SSBP2: variants seen among roughly 807,000 people sequenced by gnomAD.
The protein encoded by SSBP2 is single-stranded DNA-binding protein 2.
SSBP2 carries 17 observed loss-of-function variants against 61.8 expected under a neutral mutation model. The observed-to-expected ratio is 0.28, with a 90% CI of 0.19 to 0.41. SSBP2 has a LOEUF of 0.41. Ranked by LOEUF, SSBP2 falls within the 10% of genes least tolerant of loss-of-function variation. SSBP2 has a pLI of 1.00. For missense variants in SSBP2, 310 were observed against 458.7 expected (o/e 0.68, Z 2.96); for synonymous variants, 139 against 141.3 (o/e 0.98, Z 0.12).
At chr5:81,746,968 A>T (rs1276473031) in intron 1 of SSBP2, among the ~76,000 whole-genome samples, 1 of 140,416 alleles carries the variant, frequency 7.1e-6, no homozygotes, top group African/African-American at 2.6e-5. Context: ...TTCATATAGG[A>T]ATTGTTCACA....
At chr5:81,599,284 A>G (rs1744104809) in intron 4 of SSBP2, among the ~76,000 whole-genome samples, 1 of 152,250 alleles carries the variant, frequency 6.6e-6, no homozygotes, top group Non-Finnish European at 1.5e-5. Context: ...GAATCCAATT[A>G]TATCATTCTT....
intron 4 of SSBP2, among the ~76,000 whole-genome samples, chr5:81,573,086 T>TG (rs1773947991): frequency 6.6e-6 from 1 of 152,218 alleles, no homozygotes; most frequent in East Asian, 1.9e-4. Flanking sequence ...GTTTATATCA[T>TG]GGATACTTAA....
intron 5 of SSBP2, among the ~76,000 whole-genome samples, chr5:81,500,574 C>T (rs1767630817): frequency 2.6e-5 from 4 of 152,120 alleles, no homozygotes. Flanking sequence ...GATTCTCCTG[C>T]CTCAGTCTCC....
chr5:81,484,926 G>C (rs1468881113), intron 6 of SSBP2, among the ~76,000 whole-genome samples: 1 of 152,108 alleles, frequency 6.6e-6, no homozygotes, highest in Non-Finnish European at 1.5e-5. Flanking sequence ...CAGTGTTTCA[G>C]GAATCTGAAG....
intron 1 of SSBP2, among the ~76,000 whole-genome samples, chr5:81,707,207 T>C (rs1340709110): frequency 6.6e-6 from 1 of 152,108 alleles, no homozygotes; most frequent in African/African-American, 2.4e-5. Context: ...AAGGCTTCAT[T>C]TACTAAAAGG....
chr5:81,430,882 C>A (rs966035131), intron 15 of SSBP2, among the ~76,000 whole-genome samples: 2 of 152,158 alleles, frequency 1.3e-5, no homozygotes, highest in South Asian at 4.1e-4. Flanking sequence ...AGTGATAGGA[C>A]AATTGGGTTT....
intron 3 of SSBP2, among the ~76,000 whole-genome samples, chr5:81,623,687 T>C (rs1293417827): frequency 2.6e-5 from 4 of 152,130 alleles, no homozygotes; most frequent in African/African-American, 7.2e-5. Flanking sequence ...GGGGAAATAA[T>C]TTATTGATTT....
chr5:81,551,385 T>G (rs922335076), intron 4 of SSBP2, among the ~76,000 whole-genome samples: 4 of 152,140 alleles, frequency 2.6e-5, no homozygotes, highest in Non-Finnish European at 5.9e-5. Context: ...ATTAATGGTA[T>G]TTCAAGTGAA....
chr5:81,738,702 G>A (rs1756791036), intron 1 of SSBP2, among the ~76,000 whole-genome samples: 1 of 152,112 alleles, frequency 6.6e-6, no homozygotes, highest in Non-Finnish European at 1.5e-5. Context: ...TCTACATCCT[G>A]AAATGACCAC....
intron 3 of SSBP2, among the ~76,000 whole-genome samples, chr5:81,636,049 T>C (rs1281046323): frequency 1.3e-5 from 2 of 152,140 alleles, no homozygotes; most frequent in East Asian, 3.9e-4. Flanking sequence ...TGGGAAATCC[T>C]TAGGTTTAGA....
intron 1 of SSBP2, among the ~76,000 whole-genome samples, chr5:81,750,536 C>A (rs1190091454): frequency 6.7e-6 from 1 of 148,194 alleles, no homozygotes; most frequent in Non-Finnish European, 1.5e-5. Flanking sequence ...ACCCCGGCCC[C>A]GACCCCGGCC....
intron 3 of SSBP2, among the ~76,000 whole-genome samples, chr5:81,633,984 T>C (rs949245782): frequency 4.0e-4 from 61 of 152,216 alleles, no homozygotes; most frequent in Middle Eastern, 3.2e-3. Flanking sequence ...ATGGCTAAGA[T>C]TGTAAACCTA....
At chr5:81,501,212 A>AATATATATATAT (rs1167504052) in intron 5 of SSBP2, among the ~76,000 whole-genome samples, 8 of 28,834 alleles carry the variant, frequency 2.8e-4, no homozygotes, top group Admixed American at 1.2e-3. Context: ...CTCCATCTCA[A>AATATATATATAT]ATATATATAT....
chr5:81,602,728 A>G (rs1744492016), intron 4 of SSBP2, among the ~76,000 whole-genome samples: 1 of 152,190 alleles, frequency 6.6e-6, no homozygotes, highest in Non-Finnish European at 1.5e-5. Context: ...ATCATGAGAC[A>G]GGGCTAAAAG....
intron 5 of SSBP2, among the ~76,000 whole-genome samples, chr5:81,506,389 T>A (rs1369167405): frequency 6.6e-6 from 1 of 152,154 alleles, no homozygotes; most frequent in African/African-American, 2.4e-5. Flanking sequence ...ATTAATGCTG[T>A]TAGATATTCT....
At chr5:81,713,156 C>A (rs406720) in intron 1 of SSBP2, among the ~76,000 whole-genome samples, 103,237 of 151,900 alleles carry the variant, frequency 0.68, 35,359 homozygotes, top group Middle Eastern at 0.75. Flanking sequence ...GACAAAAGAG[C>A]AAATAGGGTT....
chr5:81,670,386 T>C (rs1378853161), intron 1 of SSBP2, among the ~76,000 whole-genome samples: 4 of 152,178 alleles, frequency 2.6e-5, no homozygotes. Flanking sequence ...TATGCTTTTC[T>C]ATATTTGGCA....
chr5:81,700,959 C>A (rs1187033127), intron 1 of SSBP2, among the ~76,000 whole-genome samples: 1 of 152,198 alleles, frequency 6.6e-6, no homozygotes, highest in Admixed American at 6.5e-5. Context: ...ACTTTCTTGT[C>A]ATTTGTGTGT....
At chr5:81,742,703 C>A (rs1294675696) in intron 1 of SSBP2, among the ~76,000 whole-genome samples, 1 of 152,068 alleles carries the variant, frequency 6.6e-6, no homozygotes, top group Non-Finnish European at 1.5e-5. Flanking sequence ...TGGTGAAACT[C>A]CCTCTCTGCT....
Sources: gnomAD v4.1 joint callset for allele counts (sites outside exome capture counted in the v4.1 genomes callset) on GRCh38, gnomAD v4.1.1 for gene constraint, MANE v1.5 for transcripts, NCBI Gene and HGNC (gene_info 2026-07-23, HGNC 2026-07-21) for gene names.